Variants in USP54 observed in about 807,000 individuals in gnomAD.
USP54 encodes the protein ubiquitin carboxyl-terminal hydrolase 54.
A neutral mutation model predicts 170.5 loss-of-function variants in USP54; 87 were observed. The ratio of observed to expected loss-of-function variants is 0.51; its 90% CI spans 0.43 to 0.61. The LOEUF (loss-of-function observed/expected upper bound fraction) is 0.61. Ranked by LOEUF, USP54 falls within the 20% of genes least tolerant of loss-of-function variation. The probability of loss-of-function intolerance (pLI) is 0.00; values close to 1 mark genes in which losing one functional copy is unlikely to be tolerated. For missense variants in USP54, 1,786 were observed against 2,047.8 expected (o/e 0.87, Z 2.47); for synonymous variants, 655 against 742.8 (o/e 0.88, Z 1.92).
chr10:73,507,714 G>A (rs115159558), intron 20 of USP54, among the ~76,000 whole-genome samples: 10 of 149,790 alleles, frequency 6.7e-5, no homozygotes, highest in South Asian at 2.1e-4. Flanking sequence ...ATGGCTGGCC[G>A]TGGTAGCTCA....
chr10:73,568,564 T>C (rs1301354864), intron 4 of USP54, among the ~76,000 whole-genome samples: 7 of 152,060 alleles, frequency 4.6e-5, no homozygotes, highest in South Asian at 2.1e-4. Context: ...TTAACATCTA[T>C]ATAGCACTGA....
intron 20 of USP54, among the ~76,000 whole-genome samples, chr10:73,515,186 AT>A (rs2060862718): frequency 6.6e-6 from 1 of 152,224 alleles, no homozygotes; most frequent in South Asian, 2.1e-4. Context: ...AACCTGCACC[AT>A]TACAGAAACT....
At chr10:73,516,329 T>C (rs773347020) in intron 20 of USP54, 46 bp downstream of exon 20, 3 of 1,555,362 alleles carry the variant, frequency 1.9e-6, no homozygotes, top group Non-Finnish European at 2.6e-6. Flanking sequence ...CTTTCAGCTT[T>C]TATATGATCC....
chr10:73,598,011 G>A (rs765354399), intron 1 of USP54, among the ~76,000 whole-genome samples: 13 of 152,028 alleles, frequency 8.6e-5, no homozygotes, highest in South Asian at 2.1e-4. Context: ...CTGAATCCCC[G>A]GAGGCAGAGG....
At chr10:73,526,615 C>T (rs1379211354) in intron 16 of USP54, 32 bp downstream of exon 16, 3 of 1,611,576 alleles carry the variant, frequency 1.9e-6, no homozygotes, top group South Asian at 2.2e-5. Context: ...CCGGTCAAAT[C>T]CAGTCCTCAA....
chr10:73,605,521 T>C (rs981611360), intron 1 of USP54, among the ~76,000 whole-genome samples: 1 of 152,048 alleles, frequency 6.6e-6, no homozygotes, highest in African/African-American at 2.4e-5. Flanking sequence ...AGCAAGACTC[T>C]GTCTCAAAAA....
At chr10:73,560,841 A>C (rs1197386758) in intron 4 of USP54, among the ~76,000 whole-genome samples, 1 of 151,842 alleles carries the variant, frequency 6.6e-6, no homozygotes, top group Non-Finnish European at 1.5e-5. Context: ...ACGGTGGCTC[A>C]CACCTGTAAT....
chr10:73,541,336 A>C, intron 9 of USP54, 39 bp downstream of exon 9: 1 of 1,612,736 alleles, frequency 6.2e-7, no homozygotes, highest in Non-Finnish European at 8.5e-7. Context: ...ACTAAGACGC[A>C]AGAACTCAAA....
chr10:73,590,635 G>A (rs1384940990), intron 1 of USP54, among the ~76,000 whole-genome samples: 1 of 152,024 alleles, frequency 6.6e-6, no homozygotes, highest in African/African-American at 2.4e-5. Context: ...AGGATCATAG[G>A]CCTCATGCCT....
chr10:73,565,502 CA>C (rs2073554743), intron 4 of USP54, among the ~76,000 whole-genome samples: 1 of 151,724 alleles, frequency 6.6e-6, no homozygotes, highest in Non-Finnish European at 1.5e-5. Flanking sequence ...GGCAACAGAA[CA>C]AGATCCTATT....
Position 73,529,850 on chromosome 10 carries a change from T to G in USP54, c.1890A>C (p.Gly630=), listed in dbSNP as rs1485316356. 3.2e-6 allele frequency: 5 copies of G among 1,576,902 alleles called. No homozygotes were observed. Among genetic ancestry groups the G allele is most frequent in the Non-Finnish European group, 4.3e-6 (5 of 1,163,216 alleles). Reference sequence around the variant, plus strand: ...CCCAGCGCTTGTACTGGGGGCTTGGTCCACCAAATTTAATGTCGTAAGAAG... The same window carrying G: ...CCCAGCGCTTGTACTGGGGGCTTGGGCCACCAAATTTAATGTCGTAAGAAG... The part of the protein sequence containing the change: ...KPPSYDIKFG[G]PSPQYKRWGP... Residue 630 remains glycine, a synonymous_variant, in exon 15 of 24, where the codon GGA becomes GGC. Coordinates refer to ENST00000687698, the MANE Select transcript of USP54 (RefSeq NM_001391956.1).
chr10:73,548,287 T>C (rs925609958), intron 4 of USP54, among the ~76,000 whole-genome samples: 8 of 152,050 alleles, frequency 5.3e-5, no homozygotes, highest in Non-Finnish European at 1.0e-4. Flanking sequence ...TTGGTGGGAG[T>C]GTAAATTAGT....
At chr10:73,597,207 A>G (rs2078804433) in intron 1 of USP54, among the ~76,000 whole-genome samples, 1 of 152,232 alleles carries the variant, frequency 6.6e-6, no homozygotes, top group South Asian at 2.1e-4. Flanking sequence ...TAACTTTGAA[A>G]CAAAGACAAA....
chr10:73,557,220 C>T (rs2071320999), intron 4 of USP54, among the ~76,000 whole-genome samples: 1 of 152,134 alleles, frequency 6.6e-6, no homozygotes. Flanking sequence ...CACTGGGCTA[C>T]AGGCATAACA....
intron 4 of USP54, among the ~76,000 whole-genome samples, chr10:73,562,887 A>T (rs2073391356): frequency 6.6e-6 from 1 of 152,134 alleles, no homozygotes; most frequent in Non-Finnish European, 1.5e-5. Flanking sequence ...CTAAGTAGTG[A>T]TATCAATTTA....
intron 4 of USP54, among the ~76,000 whole-genome samples, chr10:73,547,951 A>G (rs183747909): frequency 6.6e-6 from 1 of 152,336 alleles, no homozygotes; most frequent in East Asian, 1.9e-4. Context: ...GGCAACCTAC[A>G]GAACGGTAGA....
chr10:73,507,669 CAAAAAAAAAAAA>C (rs913305815), intron 20 of USP54, among the ~76,000 whole-genome samples: 471 of 22,456 alleles, frequency 0.021, 5 homozygotes, highest in Non-Finnish European at 0.031. Flanking sequence ...GACTCCGTCG[CAAAAAAAAAAAA>C]AAAAAAAAAA....
At chr10:73,583,793 TA>T (rs1437319873) in intron 1 of USP54, among the ~76,000 whole-genome samples, 1 of 151,160 alleles carries the variant, frequency 6.6e-6, no homozygotes, top group Non-Finnish European at 1.5e-5. Flanking sequence ...AAACTGAAAA[TA>T]AAAAAGGAAA....
At chr10:73,620,052 C>T (rs2080961867) in intron 1 of USP54, among the ~76,000 whole-genome samples, 1 of 150,406 alleles carries the variant, frequency 6.6e-6, no homozygotes, top group South Asian at 2.1e-4. Context: ...GTGGGTCACA[C>T]CTGTAATCCC....
Sources: allele counts gnomAD v4.1 joint callset (sites outside exome capture counted in the v4.1 genomes callset), GRCh38; gene constraint gnomAD v4.1.1; transcripts MANE v1.5; gene names NCBI Gene and HGNC (gene_info 2026-07-23, HGNC 2026-07-21).